The following IVD variants were observed in gnomAD, a reference collection of about 807,000 sequenced individuals.
The protein encoded by IVD is isovaleryl-CoA dehydrogenase, mitochondrial.
IVD carries 31 observed loss-of-function variants against 51.3 expected under a neutral mutation model. The ratio of observed to expected loss-of-function variants is 0.60; its 90% CI spans 0.45 to 0.81. IVD has a LOEUF of 0.81. Among genes scored for constraint, IVD ranks in the 40% least tolerant of loss-of-function variants. The pLI is 0.00. For missense variants in IVD, 475 were observed against 552.0 expected (o/e 0.86, Z 1.40); for synonymous variants, 205 against 219.4 (o/e 0.93, Z 0.58).
intron 5 of IVD, 57 bp from the exon 6 acceptor site, chr15:40,411,498 G>A (rs1248269713): frequency 8.7e-6 from 14 of 1,612,694 alleles, no homozygotes; most frequent in Non-Finnish European, 1.2e-5. Context: ...GAAGGTCTAT[G>A]GCCTGGCTGA....
downstream of IVD, among the ~76,000 whole-genome samples, chr15:40,429,201 G>A (rs1595825512): frequency 6.6e-6 from 1 of 152,242 alleles, no homozygotes; most frequent in African/African-American, 2.4e-5. Context: ...CCTGCCAGTG[G>A]ATGCTCTGGC....
chr15:40,431,696 A>G (rs951941039), intron 7 of IVD, among the ~76,000 whole-genome samples: 1 of 147,886 alleles, frequency 6.8e-6, no homozygotes, highest in Non-Finnish European at 1.5e-5. Context: ...CTCCATCTCA[A>G]AAAAAAAAAA....
rs1891455178 is a variant in IVD, at chr15:40,414,704, C to T, written c.785-185C>T. The T allele has an allele frequency of 1.0e-5, 10 of 999,210 alleles. No individual in the cohort carries two copies. The South Asian group carries it at 1.3e-4, about 13-fold the overall frequency. The allele number at this position is 999,210 out of a possible 1,614,324, so 61.9% of individuals were successfully genotyped here. On this transcript the variant is annotated intron_variant, in intron 7 of 11. Transcript: ENST00000487418. ...GTGGATGGGGTGGGAGTCCTGGCAG[C>T]TCCACTTCTGACTGGAAGGGGTTCA... is the stretch of plus-strand genomic sequence containing the variant.
rs768709744 is a variant in IVD, at chr15:40,411,240, G to A, written c.457-20G>A. 5.6e-6 allele frequency: 9 copies of A among 1,613,040 alleles called. No individual in the cohort carries two copies. The highest frequency in any genetic ancestry group is 5.1e-6 in the Non-Finnish European group (6 of 1,179,104). Reference sequence around the variant, plus strand: ...GTACTCTGAGGTTGTAACAAGGCCTGTTGGGGGTTTTCCTTGCAGCTGATC... The same window carrying A: ...GTACTCTGAGGTTGTAACAAGGCCTATTGGGGGTTTTCCTTGCAGCTGATC... On this transcript the variant is annotated intron_variant, in intron 4 of 11. Coordinates refer to ENST00000487418, the MANE Select transcript of IVD (RefSeq NM_002225.5).
rs756453656 is a variant in IVD at position 40,420,123 on chromosome 15, A to G, written c.*1860A>G. On this transcript the variant is annotated 3_prime_UTR_variant, in exon 12 of 12. Coordinates refer to ENST00000487418, the MANE Select transcript of IVD (RefSeq NM_002225.5). ...GTCTCAAAAAATAATAATAAAATAA[A>G]TGAACACACATGCTGCTGAGTCCGC... 3.5e-5 allele frequency: 34 copies of G among 981,260 alleles called. No individual in the cohort carries two copies. Among genetic ancestry groups the G allele is most frequent in the Non-Finnish European group, 3.9e-5 (32 of 828,766 alleles). 60.8% of individuals were successfully genotyped at this position (981,260 alleles called of 1,614,324 possible).
At chr15:40,417,435 G>T (rs1025264576) in intron 11 of IVD, among the ~76,000 whole-genome samples, 2 of 149,972 alleles carry the variant, frequency 1.3e-5, no homozygotes, top group Non-Finnish European at 1.5e-5. Flanking sequence ...TTGAACCTTG[G>T]ATGCGGAGGT....
At chr15:40,406,169 CTG>C in intron 1 of IVD, 198 bp downstream of exon 1, 1 of 1,538,818 alleles carries the variant, frequency 6.5e-7, no homozygotes, top group Non-Finnish European at 8.7e-7. Context: ...GGCCTCACGT[CTG>C]TGGAGTGAAG....
At chr15:40,432,845 G>A (rs1257367391) in intron 7 of IVD, among the ~76,000 whole-genome samples, 2 of 152,264 alleles carry the variant, frequency 1.3e-5, no homozygotes, top group African/African-American at 4.8e-5. Flanking sequence ...CCACTGCTGG[G>A]TGGACAGAAT....
At chr15:40,435,125 T>G (rs1332251880) in intron 8 of IVD, among the ~76,000 whole-genome samples, 1 of 152,216 alleles carries the variant, frequency 6.6e-6, no homozygotes, top group Admixed American at 6.5e-5. Flanking sequence ...ATATAGGATG[T>G]CGTTTGCCCC....
chr15:40,421,189 A>G lies in IVD; in HGVS notation c.*2926A>G, dbSNP rs1283638380. On this transcript the variant is annotated 3_prime_UTR_variant, in exon 12 of 12. Coordinates refer to ENST00000487418, the MANE Select transcript of IVD (RefSeq NM_002225.5). The stretch of plus-strand genomic sequence containing the variant: ...ACCAGCCTGGAGACAATGTGGCAAA[A>G]TGGGGCGCTTCATCCAGTCTGTCTA... 1.0e-6 allele frequency: 1 copy of G among 985,322 alleles called. No individual in the cohort carries two copies. The highest frequency in any genetic ancestry group is 6.1e-5 in the Admixed American group (1 of 16,276). The allele number at this position is 985,322 out of a possible 1,614,324, so 61.0% of individuals were successfully genotyped here.
chr15:40,430,071 C>T (rs543940389), intron 7 of IVD, among the ~76,000 whole-genome samples: 12 of 152,342 alleles, frequency 7.9e-5, no homozygotes, highest in South Asian at 2.1e-4. Context: ...GAGCCTGGCA[C>T]GCAGTGTGGC....
Position 40,411,600 on chromosome 15 carries a change from G to T in IVD, c.596G>T (p.Gly199Val), listed in dbSNP as rs121434285. The T allele has an allele frequency of 6.2e-6, 10 of 1,614,082 alleles. No individual in the cohort carries two copies. The highest frequency in any genetic ancestry group is 8.5e-6 in the Non-Finnish European group (10 of 1,180,042). Residue 199 changes from glycine to valine, a missense_variant, in exon 6 of 12, where the codon GGC (glycine) becomes GTC (valine). Transcript: ENST00000487418. Reference protein sequence around the residue: ...LNGNKFWITNGPDADVLIVYA... With the variant: ...LNGNKFWITNVPDADVLIVYA... Reference sequence around the variant, plus strand: ...GGCAACAAGTTCTGGATCACTAATGGCCCTGATGCTGACGTCCTGATTGTC... The same window carrying T: ...GGCAACAAGTTCTGGATCACTAATGTCCCTGATGCTGACGTCCTGATTGTC...
Position 40,405,974 on chromosome 15 carries a change from G to A in IVD, c.144+3G>A, listed in dbSNP as rs375919725. The A allele has an allele frequency of 6.3e-7, 1 of 1,596,130 alleles. No individual in the cohort carries two copies. Among genetic ancestry groups the A allele is most frequent in the African/African-American group, 1.3e-5 (1 of 74,474 alleles). ...GGCTAAGCGAGGAGCAGAGGCAGGT[G>A]AGGAGACTGACCCCCTTCCTGGCCC... On this transcript the variant is annotated splice_donor_region_variant and intron_variant, in intron 1 of 11. Transcript: ENST00000487418.
At chr15:40,429,276 A>T (rs1171501874), downstream of IVD, among the ~76,000 whole-genome samples, 3 of 152,136 alleles carry the variant, frequency 2.0e-5, no homozygotes. Context: ...AGCCCACACG[A>T]GTGACCTGCC....
At chr15:40,406,884 AC>A (rs1313729854) in intron 1 of IVD, among the ~76,000 whole-genome samples, 1 of 141,002 alleles carries the variant, frequency 7.1e-6, no homozygotes, top group Non-Finnish European at 1.5e-5. Flanking sequence ...TTTTTTTGAG[AC>A]GGAGTTTCAC....
At chr15:40,433,903 G>T (rs1188549263) in exon 8 of IVD, 1 of 456,646 alleles carries the variant, frequency 2.2e-6, no homozygotes, top group Non-Finnish European at 4.4e-6. Flanking sequence ...TGCTCCTGGG[G>T]CAATAATGAA....
rs746358275 is a variant in IVD, at chr15:40,407,631, A to G, written c.145-5A>G. 13 of 1,612,648 alleles carry G rather than the reference A, an allele frequency of 8.1e-6. No homozygotes were observed. The highest frequency in any genetic ancestry group is 2.2e-5 in the East Asian group (1 of 44,898). On this transcript the variant is annotated splice_region_variant and splice_polypyrimidine_tract_variant and intron_variant, in intron 1 of 11. Coordinates refer to ENST00000487418, the MANE Select transcript of IVD (RefSeq NM_002225.5). Reference sequence around the variant, plus strand: ...AGTGGCATCTGTTTACCTCTCTCCTATTAGCTTCGTCAGACCATGGCTAAG... The same window carrying G: ...AGTGGCATCTGTTTACCTCTCTCCTGTTAGCTTCGTCAGACCATGGCTAAG...
chr15:40,432,078 C>T (rs944217326), intron 7 of IVD, among the ~76,000 whole-genome samples: 1 of 151,634 alleles, frequency 6.6e-6, no homozygotes, highest in African/African-American at 2.4e-5. Context: ...ATTCTTATGC[C>T]TCAGCCTCCT....
At chr15:40,425,509 T>C (rs1446130813), downstream of IVD, among the ~76,000 whole-genome samples, 1 of 151,266 alleles carries the variant, frequency 6.6e-6, no homozygotes, top group Non-Finnish European at 1.5e-5. Context: ...GTATAGTTTT[T>C]GTTTTCTTGT....
Sources: allele counts gnomAD v4.1 joint callset (sites outside exome capture counted in the v4.1 genomes callset), GRCh38; gene constraint gnomAD v4.1.1; transcripts MANE v1.5; gene names NCBI Gene and HGNC (gene_info 2026-07-23, HGNC 2026-07-21).